The following ZNF808 variants were observed in gnomAD, a reference collection of about 807,000 sequenced individuals.
The protein encoded by ZNF808 is zinc finger protein 808.
ZNF808 carries 5 observed loss-of-function variants against 8.7 expected under a neutral mutation model. That is an observed-to-expected ratio of 0.58 (90% CI 0.30 to 1.21). ZNF808 has a LOEUF of 1.21. ZNF808 is among the 50% of genes most tolerant of loss of function. ZNF808 has a pLI of 0.07. For missense variants in ZNF808, 1,103 were observed against 1,098.4 expected (o/e 1.00, Z -0.06); for synonymous variants, 380 against 366.0 (o/e 1.04, Z -0.44).
At chr19:52,543,432 G>C in intron 3 of ZNF808, 85 bp downstream of exon 3, 2 of 1,515,642 alleles carry the variant, frequency 1.3e-6, no homozygotes, top group Non-Finnish European at 1.8e-6. Flanking sequence ...GTAATGTATT[G>C]TAGCAGCCAG....
intron 2 of ZNF808, among the ~76,000 whole-genome samples, chr19:52,537,976 GAAAA>G (rs35648222): frequency 6.6e-6 from 1 of 150,518 alleles, no homozygotes; most frequent in Non-Finnish European, 1.5e-5. Context: ...GAAGTGGTGG[GAAAA>G]AAAAATCGCT....
chr19:52,531,487 AAATT>A (rs904821778), intron 1 of ZNF808, among the ~76,000 whole-genome samples: 36 of 152,040 alleles, frequency 2.4e-4, no homozygotes, highest in African/African-American at 3.4e-4. Flanking sequence ...ATAAATAAAT[AAATT>A]AATTAATTAA....
chr19:52,563,982 G>A, exon 4 of ZNF808: 2 of 388,614 alleles, frequency 5.1e-6, no homozygotes, highest in South Asian at 4.2e-5. Context: ...GGCAACAAGA[G>A]CAAACCTCTG....
At chr19:52,562,892 C>T (rs2059862478) in intron 3 of ZNF808, among the ~76,000 whole-genome samples, 1 of 151,932 alleles carries the variant, frequency 6.6e-6, no homozygotes, top group Admixed American at 6.6e-5. Flanking sequence ...TTCTGCCTCA[C>T]CCTCCAGAGT....
In ZNF808 at chr19:52,550,120, T is replaced by A. The variant is rs2059762040; in HGVS notation, c.190+2482T>A. On this transcript the variant is annotated intron_variant, in intron 4 of 4. Transcript: ENST00000359798. Reference sequence around the variant, plus strand: ...GTCGTGGGATCCTTCATGCCCAGGATTAAGTCTTGTCCCTCACTTACCTTA... The same window carrying A: ...GTCGTGGGATCCTTCATGCCCAGGAATAAGTCTTGTCCCTCACTTACCTTA... 2.0e-5 allele frequency among the ~76,000 whole-genome samples: 3 copies of A among 152,196 alleles called. No individual in the cohort carries two copies. In the South Asian group the frequency reaches 6.2e-4, roughly 32 times the overall value.
intron 2 of ZNF808, among the ~76,000 whole-genome samples, chr19:52,534,645 T>A (rs2059588323): frequency 6.7e-6 from 1 of 149,734 alleles, no homozygotes; most frequent in South Asian, 2.1e-4. Context: ...ATCCCAGCAC[T>A]TTGGGAGGCC....
chr19:52,544,477 T>C (rs2059702292), intron 3 of ZNF808, among the ~76,000 whole-genome samples: 1 of 151,814 alleles, frequency 6.6e-6, no homozygotes, highest in South Asian at 2.1e-4. Flanking sequence ...ACTACAGGCA[T>C]GCACCACCAC....
intron 2 of ZNF808, among the ~76,000 whole-genome samples, chr19:52,538,096 G>C (rs1047839287): frequency 6.6e-6 from 1 of 152,018 alleles, no homozygotes; most frequent in Non-Finnish European, 1.5e-5. Context: ...CTGCAGCCTC[G>C]ACCTCTTAGG....
Position 52,553,212 on chromosome 19 carries a change from G to C in ZNF808, c.296G>C (p.Gly99Ala), listed in dbSNP as rs117753855. The C allele has an allele frequency of 6.2e-7, 1 of 1,613,918 alleles. No homozygotes were observed. The highest frequency in any genetic ancestry group is 8.5e-7 in the Non-Finnish European group (1 of 1,180,018). ...CAAAGACATCAAAGTTATCACATTGGAGACTTTTGCTTCCAGGAAATTGAG... is the reference window on the plus strand; with the variant it reads ...CAAAGACATCAAAGTTATCACATTGCAGACTTTTGCTTCCAGGAAATTGAG... ...TLQRHQSYHI[G>A]DFCFQEIEKE... is the part of the protein sequence containing the mutation. The change falls in exon 5 of 5, where the codon GGA (glycine) becomes GCA (alanine). Residue 99 changes from glycine to alanine, a missense_variant. Gly to Ala is a moderately conservative substitution (Grantham distance 60). Transcript: ENST00000359798.
intron 2 of ZNF808, among the ~76,000 whole-genome samples, chr19:52,538,453 C>T (rs1479127840): frequency 1.3e-5 from 2 of 150,568 alleles, no homozygotes; most frequent in East Asian, 3.9e-4. Context: ...AGCGATTCTC[C>T]TGCGATACTA....
At chr19:52,565,166 G>A (rs569562236), downstream of ZNF808, among the ~76,000 whole-genome samples, 1 of 151,972 alleles carries the variant, frequency 6.6e-6, no homozygotes. Flanking sequence ...TAATCCCAGC[G>A]ACTCAGGAGG....
downstream of ZNF808, among the ~76,000 whole-genome samples, chr19:52,565,598 G>A (rs329945): frequency 0.84 from 128,053 of 152,148 alleles, 54,765 homozygotes; most frequent in African/African-American, 0.92. Context: ...TCAAATGTCT[G>A]TCTGACTACT....
chr19:52,546,011 A>G (rs1486621656), intron 3 of ZNF808, among the ~76,000 whole-genome samples: 6 of 152,226 alleles, frequency 3.9e-5, no homozygotes, highest in East Asian at 3.9e-4. Flanking sequence ...ATTTTTAGCT[A>G]TTTGATTTGT....
chr19:52,543,160 T>G, intron 2 of ZNF808, 106 bp from the exon 3 acceptor site: 1 of 1,148,936 alleles, frequency 8.7e-7, no homozygotes, highest in Non-Finnish European at 1.2e-6. Context: ...CAGTGGGCAG[T>G]GGGGGACTTC....
At chr19:52,544,947 C>T (rs559404613) in intron 3 of ZNF808, among the ~76,000 whole-genome samples, 1 of 152,224 alleles carries the variant, frequency 6.6e-6, no homozygotes, top group South Asian at 2.1e-4. Context: ...TCACGCCTGG[C>T]TAATTATTTT....
chr19:52,567,644 C>T (rs752124667), downstream of ZNF808, among the ~76,000 whole-genome samples: 1 of 151,584 alleles, frequency 6.6e-6, no homozygotes, highest in Non-Finnish European at 1.5e-5. Context: ...CCTGCCTCAG[C>T]CTCCGGAGTA....
At chr19:52,561,029 A>T (rs927110968), downstream of ZNF808, among the ~76,000 whole-genome samples, 4 of 152,002 alleles carry the variant, frequency 2.6e-5, no homozygotes, top group African/African-American at 9.7e-5. Flanking sequence ...CGCTTAAATC[A>T]GTGTGTGCAG....
rs2059829302 is a variant in ZNF808, at chr19:52,555,613, A to G, written c.2697A>G (p.Ile899Met). 2 of 1,599,028 alleles carry G rather than the reference A, an allele frequency of 1.3e-6. No homozygotes were observed. The highest frequency in any genetic ancestry group is 1.7e-6 in the Non-Finnish European group (2 of 1,173,400). Reference protein sequence around the residue: ...TLIHHQAIHGIGKFD With the variant: ...TLIHHQAIHGMGKFD Reference sequence around the variant, plus strand: ...TTCACCATCAGGCAATTCATGGTATAGGGAAATTTGATTAATATAATGATT... The same window carrying G: ...TTCACCATCAGGCAATTCATGGTATGGGGAAATTTGATTAATATAATGATT... Residue 899 changes from isoleucine (I) to methionine (M), a missense_variant, in exon 5 of 5, where the codon ATA becomes ATG. Physicochemically the swap from Ile to Met is conservative, Grantham distance 10. Coordinates refer to ENST00000359798, the MANE Select transcript of ZNF808 (RefSeq NM_001039886.4).
At chr19:52,530,335 C>T (rs2059550069) in intron 1 of ZNF808, among the ~76,000 whole-genome samples, 1 of 152,076 alleles carries the variant, frequency 6.6e-6, no homozygotes, top group South Asian at 2.1e-4. Flanking sequence ...GCTGGGATTC[C>T]TGGCGTGAGC....
Sources: gnomAD v4.1 joint callset for allele counts (sites outside exome capture counted in the v4.1 genomes callset) on GRCh38, gnomAD v4.1.1 for gene constraint, MANE v1.5 for transcripts, NCBI Gene and HGNC (gene_info 2026-07-23, HGNC 2026-07-21) for gene names.